Variants in ADAM7 observed in about 807,000 individuals in gnomAD.
The protein encoded by ADAM7 is disintegrin and metalloproteinase domain-containing protein 7.
Under a neutral mutation model 102.9 loss-of-function variants are expected in ADAM7, and 97 were observed. The observed-to-expected ratio is 0.94, with a 90% CI of 0.80 to 1.12. The LOEUF is 1.12. Ranked by LOEUF, ADAM7 falls within the 50% of genes most tolerant of loss-of-function variation. ADAM7 has a pLI of 0.00. For missense variants in ADAM7, 991 were observed against 908.7 expected (o/e 1.09, Z -1.16); for synonymous variants, 334 against 304.4 (o/e 1.10, Z -1.01).
chr8:24,508,704 T>C lies in ADAM7; in HGVS notation c.*158T>C, dbSNP rs1283268418. On this transcript the variant is annotated 3_prime_UTR_variant, in exon 22 of 22. Coordinates refer to ENST00000175238, the MANE Select transcript of ADAM7 (RefSeq NM_003817.4). The stretch of plus-strand genomic sequence containing the variant: ...GACAATGTTTAAGAGAAACAACTTA[T>C]TTCTGTTAATATTTACCGGTAGAAT... 23 of 1,462,630 alleles carry C rather than the reference T, an allele frequency of 1.6e-5. No homozygotes were observed. The highest frequency in any genetic ancestry group is 1.8e-4 in the Middle Eastern group (1 of 5,588). The allele number at this position is 1,462,630 out of a possible 1,614,324, so 90.6% of individuals were successfully genotyped here.
chr8:24,506,950 T>G (rs1387143518), intron 20 of ADAM7, among the ~76,000 whole-genome samples: 1 of 152,132 alleles, frequency 6.6e-6, no homozygotes, highest in African/African-American at 2.4e-5. Flanking sequence ...CCATTCTCAT[T>G]AAGCTTTCTT....
intron 7 of ADAM7, among the ~76,000 whole-genome samples, chr8:24,475,441 C>G (rs1158512951): frequency 6.6e-6 from 1 of 151,944 alleles, no homozygotes; most frequent in Non-Finnish European, 1.5e-5. Context: ...TTTCTTGAAA[C>G]AGAAAATAGT....
chr8:24,480,318 C>T (rs1819906255), intron 8 of ADAM7, among the ~76,000 whole-genome samples: 2 of 152,144 alleles, frequency 1.3e-5, no homozygotes, highest in Non-Finnish European at 2.9e-5. Flanking sequence ...TTTAAGCTAA[C>T]AAAGTCTAAA....
At chr8:24,474,025 T>A (rs1819691322) in intron 7 of ADAM7, among the ~76,000 whole-genome samples, 1 of 152,128 alleles carries the variant, frequency 6.6e-6, no homozygotes, top group Non-Finnish European at 1.5e-5. Context: ...AACTTATTAA[T>A]AAAATGTTGG....
intron 20 of ADAM7, among the ~76,000 whole-genome samples, chr8:24,504,753 A>G (rs1368985821): frequency 6.6e-6 from 1 of 151,756 alleles, no homozygotes; most frequent in African/African-American, 2.4e-5. Flanking sequence ...ATTGCAGAGC[A>G]TACCCCCACT....
At chr8:24,447,815 T>C (rs1284576023) in intron 3 of ADAM7, among the ~76,000 whole-genome samples, 1 of 152,122 alleles carries the variant, frequency 6.6e-6, no homozygotes, top group Non-Finnish European at 1.5e-5. Flanking sequence ...CTACACAAAA[T>C]AGCTCTGTCT....
At chr8:24,482,616 G>A (rs1394239774) in intron 9 of ADAM7, among the ~76,000 whole-genome samples, 1 of 152,000 alleles carries the variant, frequency 6.6e-6, no homozygotes, top group Non-Finnish European at 1.5e-5. Flanking sequence ...GAGCATGGGG[G>A]CAAGCACCCA....
chr8:24,490,471 T>C (rs1008252395), intron 12 of ADAM7: 1 of 190,388 alleles, frequency 5.3e-6, no homozygotes, highest in Admixed American at 5.7e-5. Flanking sequence ...TTGAATAGTC[T>C]CACATCACAC....
At position 24,458,344 on chromosome 8, in the gene ADAM7, C is replaced by A. The variant is rs981746883; in HGVS notation, c.234-5538C>A. Reference sequence around the variant, plus strand: ...CATCTACTTTAATGTTTATCAACATCTTTTAAAGTTTTCAATGTGGAGCTC... The same window carrying A: ...CATCTACTTTAATGTTTATCAACATATTTTAAAGTTTTCAATGTGGAGCTC... On this transcript the variant is annotated intron_variant, in intron 3 of 21. Coordinates refer to ENST00000175238, the MANE Select transcript of ADAM7 (RefSeq NM_003817.4). 7.9e-5 allele frequency among the ~76,000 whole-genome samples: 12 copies of A among 152,248 alleles called. No homozygotes were observed. The East Asian group carries it at 2.1e-3, about 27-fold the overall frequency.
intron 7 of ADAM7, among the ~76,000 whole-genome samples, chr8:24,470,276 A>G (rs1017130012): frequency 2.6e-5 from 4 of 152,168 alleles, no homozygotes; most frequent in Non-Finnish European, 5.9e-5. Flanking sequence ...AGTATCAGGC[A>G]AGGATAATAT....
chr8:24,501,032 A>G (rs1820741783), intron 19 of ADAM7, 137 bp downstream of exon 19: 3 of 667,888 alleles, frequency 4.5e-6, no homozygotes, highest in South Asian at 2.1e-5. Flanking sequence ...TAGTAACTCA[A>G]GCTTTTATGT....
chr8:24,443,463 T>C (rs1425757597), intron 2 of ADAM7, among the ~76,000 whole-genome samples: 1 of 152,214 alleles, frequency 6.6e-6, no homozygotes, highest in Non-Finnish European at 1.5e-5. Context: ...AATATGTAAC[T>C]ATTTTGTTCA....
intron 2 of ADAM7, 151 bp downstream of exon 2, chr8:24,442,727 C>T (rs976588616): frequency 1.1e-5 from 7 of 650,814 alleles, no homozygotes; most frequent in East Asian, 5.4e-5. Flanking sequence ...TGGGAATAAG[C>T]AACCCCTCAA....
At chr8:24,467,861 C>T (rs1000986452) in intron 6 of ADAM7, among the ~76,000 whole-genome samples, 6 of 151,844 alleles carry the variant, frequency 4.0e-5, no homozygotes, top group African/African-American at 1.5e-4. Flanking sequence ...GGTCAGAATT[C>T]GAGACCAGCC....
intron 3 of ADAM7, among the ~76,000 whole-genome samples, chr8:24,462,200 C>A (rs1819267266): frequency 1.3e-5 from 2 of 152,176 alleles, no homozygotes. Context: ...AATTTTAGTT[C>A]AGTTGTTTTA....
chr8:24,487,603 C>G (rs373441564), intron 11 of ADAM7, among the ~76,000 whole-genome samples: 9 of 150,102 alleles, frequency 6.0e-5, no homozygotes, highest in Non-Finnish European at 1.3e-4. Context: ...CCACTGCACT[C>G]TAGCCTGGGC....
At chr8:24,463,798 G>A (rs1819331988) in intron 3 of ADAM7, 84 bp from the exon 4 acceptor site, 2 of 1,165,604 alleles carry the variant, frequency 1.7e-6, no homozygotes, top group Admixed American at 2.0e-5. Context: ...AAGCAAACTG[G>A]ACACTTCTCC....
chr8:24,473,229 T>C (rs2129384955), intron 7 of ADAM7, among the ~76,000 whole-genome samples: 1 of 152,278 alleles, frequency 6.6e-6, no homozygotes, highest in African/African-American at 2.4e-5. Context: ...CCCCACATTT[T>C]ATAAGTTTAT....
intron 3 of ADAM7, among the ~76,000 whole-genome samples, chr8:24,452,686 T>C (rs2129376072): frequency 6.6e-6 from 1 of 151,160 alleles, no homozygotes; most frequent in South Asian, 2.1e-4. Context: ...AATTTGATCC[T>C]GTCATTATGA....
Sources: allele counts gnomAD v4.1 joint callset (sites outside exome capture counted in the v4.1 genomes callset), GRCh38; gene constraint gnomAD v4.1.1; transcripts MANE v1.5; gene names NCBI Gene and HGNC (gene_info 2026-07-23, HGNC 2026-07-21).